Variants in FERRY3 observed in about 807,000 individuals in gnomAD.
FERRY3 encodes the protein FERRY endosomal RAB5 effector complex subunit 3.
At chr12:4,498,079 A>G in the FERRY3 span, among the ~76,000 whole-genome samples, 1 of 152,230 alleles carries the variant, frequency 6.6e-6, no homozygotes, top group South Asian at 2.1e-4. Flanking sequence ...CTTTGGAAAC[A>G]AACTTAATGT....
the FERRY3 span, among the ~76,000 whole-genome samples, chr12:4,536,612 C>T: frequency 2.8e-4 from 42 of 152,126 alleles, no homozygotes; most frequent in East Asian, 7.9e-3. Context: ...AGATCAGGGA[C>T]CAAGGAGTGA....
the FERRY3 span, among the ~76,000 whole-genome samples, chr12:4,506,344 A>T: frequency 7.9e-5 from 12 of 152,196 alleles, no homozygotes; most frequent in Non-Finnish European, 1.3e-4. Context: ...ATAGTTTTAA[A>T]AGAGATCTGA....
chr12:4,524,907 G>A, the FERRY3 span: 1 of 173,550 alleles, frequency 5.8e-6, no homozygotes, highest in Non-Finnish European at 1.2e-5. Context: ...CATATAGGCA[G>A]GGGTTTTTTT....
At chr12:4,509,329 C>G in the FERRY3 span, 1 of 180,654 alleles carries the variant, frequency 5.5e-6, no homozygotes, top group South Asian at 1.2e-4. Flanking sequence ...GGAGGGGCGC[C>G]CGCCATTGCC....
chr12:4,525,837 G>A, the FERRY3 span, among the ~76,000 whole-genome samples: 4,361 of 152,224 alleles, frequency 0.029, 184 homozygotes, highest in African/African-American at 0.1. Context: ...TTGCACAGAC[G>A]AATGCAGTCA....
the FERRY3 span, chr12:4,536,262 G>C: frequency 1.8e-6 from 2 of 1,084,416 alleles, no homozygotes; most frequent in Admixed American, 6.6e-5. Context: ...AAGAAATTAT[G>C]TTTCATTATT....
chr12:4,531,933 A>G, the FERRY3 span, among the ~76,000 whole-genome samples: 1 of 152,158 alleles, frequency 6.6e-6, no homozygotes, highest in Non-Finnish European at 1.5e-5. Context: ...CCAATTAGGG[A>G]AAAGGAATCA....
chr12:4,538,022 T>C, the FERRY3 span, among the ~76,000 whole-genome samples: 1 of 151,058 alleles, frequency 6.6e-6, no homozygotes, highest in East Asian at 1.9e-4. Context: ...CACTGATAAA[T>C]GCAAAAATAT....
At chr12:4,520,576 T>G in the FERRY3 span, among the ~76,000 whole-genome samples, 1 of 152,016 alleles carries the variant, frequency 6.6e-6, no homozygotes, top group East Asian at 1.9e-4. Flanking sequence ...GTAGCACCAG[T>G]AGAAAATGAA....
At chr12:4,526,608 G>A in the FERRY3 span, among the ~76,000 whole-genome samples, 2 of 152,094 alleles carry the variant, frequency 1.3e-5, no homozygotes, top group Admixed American at 6.5e-5. Context: ...TTGGGAGGCC[G>A]AGGTGGGCGG....
At chr12:4,498,467 G>A in the FERRY3 span, among the ~76,000 whole-genome samples, 2 of 152,122 alleles carry the variant, frequency 1.3e-5, no homozygotes, top group African/African-American at 4.8e-5. Flanking sequence ...ACCATATTAG[G>A]TATGACTGAG....
the FERRY3 span, among the ~76,000 whole-genome samples, chr12:4,522,835 AAAG>A: frequency 2.0e-5 from 3 of 152,260 alleles, no homozygotes; most frequent in Admixed American, 2.0e-4. Context: ...TGAGTAATAA[AAAG>A]AACCACTAAT....
the FERRY3 span, chr12:4,500,292 G>A: frequency 6.2e-7 from 1 of 1,614,054 alleles, no homozygotes; most frequent in South Asian, 1.1e-5. Flanking sequence ...GAGATGGAAA[G>A]CAACATGGAT....
chr12:4,524,616 G>A, the FERRY3 span, among the ~76,000 whole-genome samples: 11 of 152,084 alleles, frequency 7.2e-5, no homozygotes, highest in South Asian at 2.1e-4. Context: ...TTATTATACC[G>A]TACTCAGTAT....
At chr12:4,525,418 A>T in the FERRY3 span, 1 of 1,600,664 alleles carries the variant, frequency 6.2e-7, no homozygotes, top group Non-Finnish European at 8.5e-7. Context: ...TTTTAACAAA[A>T]ACAAACAAAC....
At chr12:4,533,763 C>T in the FERRY3 span, among the ~76,000 whole-genome samples, 537 of 152,308 alleles carry the variant, frequency 3.5e-3, 2 homozygotes, top group Non-Finnish European at 5.3e-3. Flanking sequence ...ACACAGAACA[C>T]TCACTTAAAT....
chr12:4,531,779 GT>G, the FERRY3 span, among the ~76,000 whole-genome samples: 1 of 152,180 alleles, frequency 6.6e-6, no homozygotes, highest in Non-Finnish European at 1.5e-5. Flanking sequence ...CCTCATTCCT[GT>G]AAAGCTTTGG....
chr12:4,518,753 C>T, the FERRY3 span: 1 of 1,361,310 alleles, frequency 7.3e-7, no homozygotes, highest in Non-Finnish European at 1.0e-6. Flanking sequence ...ATTATAACTG[C>T]AAAAAAATTA....
At chr12:4,523,060 A>G in the FERRY3 span, among the ~76,000 whole-genome samples, 58 of 152,328 alleles carry the variant, frequency 3.8e-4, 1 homozygote, top group Middle Eastern at 3.4e-3. Flanking sequence ...CTGTACACCT[A>G]AAAGAGAAGA....
Sources: allele counts gnomAD v4.1 joint callset (sites outside exome capture counted in the v4.1 genomes callset), GRCh38; gene constraint gnomAD v4.1.1; transcripts MANE v1.5; gene names NCBI Gene and HGNC (gene_info 2026-07-23, HGNC 2026-07-21).